PTPRJ: variants seen among roughly 807,000 people sequenced by gnomAD.
PTPRJ encodes the protein protein tyrosine phosphatase receptor type J, also known as receptor-type tyrosine-protein phosphatase eta.
Under a neutral mutation model 141.3 loss-of-function variants are expected in PTPRJ, and 129 were observed. The observed-to-expected ratio is 0.91, with a 90% CI of 0.79 to 1.06. The LOEUF is 1.06. Among genes scored for constraint, PTPRJ ranks in the 50% least tolerant of loss-of-function variants. PTPRJ has a pLI of 0.00. For missense variants in PTPRJ, 1,601 were observed against 1,679.7 expected (o/e 0.95, Z 0.82); for synonymous variants, 610 against 640.5 (o/e 0.95, Z 0.72).
chr11:48,148,097 A>T (rs146109915), intron 15 of PTPRJ, among the ~76,000 whole-genome samples: 45 of 152,282 alleles, frequency 3.0e-4, no homozygotes, highest in African/African-American at 1.0e-3. Context: ...TGCCCGCCTC[A>T]GCCTCCTGAA....
chr11:48,104,594 A>G lies in PTPRJ; in HGVS notation c.97-5464A>G, dbSNP rs1367072086. 3.3e-5 allele frequency among the ~76,000 whole-genome samples: 5 copies of G among 152,370 alleles called. No individual in the cohort carries two copies. In the East Asian group the frequency reaches 5.8e-4, roughly 18 times the overall value. ...ACCCATCCTTAAAAGCCCAACGTGGATAACAGAAAACCTGGAGAGCTTTGT... is the reference window on the plus strand; with the variant it reads ...ACCCATCCTTAAAAGCCCAACGTGGGTAACAGAAAACCTGGAGAGCTTTGT... On this transcript the variant is annotated intron_variant, in intron 1 of 24. Coordinates refer to ENST00000418331, the MANE Select transcript of PTPRJ (RefSeq NM_002843.4).
At chr11:48,100,888 GA>G (rs71457246) in intron 1 of PTPRJ, among the ~76,000 whole-genome samples, 9,227 of 90,296 alleles carry the variant, frequency 0.1, 346 homozygotes, top group African/African-American at 0.18. Flanking sequence ...GTCTCAAAAA[GA>G]AAAAAAAAAA....
intron 1 of PTPRJ, among the ~76,000 whole-genome samples, chr11:48,070,280 T>C (rs1337758711): frequency 6.6e-6 from 1 of 152,018 alleles, no homozygotes; most frequent in African/African-American, 2.4e-5. Context: ...GGTGGGTGGA[T>C]CACTTGAGGT....
chr11:48,049,448 C>T (rs890676278), intron 1 of PTPRJ, among the ~76,000 whole-genome samples: 8 of 151,882 alleles, frequency 5.3e-5, no homozygotes, highest in African/African-American at 9.7e-5. Flanking sequence ...GAGGCCAAGA[C>T]GGGCAGATCA....
chr11:48,041,651 G>A (rs1255949578), intron 1 of PTPRJ, among the ~76,000 whole-genome samples: 3 of 151,988 alleles, frequency 2.0e-5, no homozygotes, highest in Non-Finnish European at 4.4e-5. Flanking sequence ...TTGAGTCAGC[G>A]TCTTGCTTTG....
chr11:48,156,836 C>T lies in PTPRJ; in HGVS notation c.3438+717C>T, dbSNP rs1436139067. ...TCCTGACCTCAAGTGATCCTGCTTC[C>T]TTGGCCTCCCAAAGTGTTGGGATTT... On this transcript the variant is annotated intron_variant, in intron 21 of 24. Transcript: ENST00000418331. 4.6e-5 allele frequency among the ~76,000 whole-genome samples: 7 copies of T among 152,188 alleles called. No individual in the cohort carries two copies. The East Asian group carries it at 1.4e-3, about 29-fold the overall frequency.
chr11:48,120,890 A>G (rs909405601), intron 3 of PTPRJ, 113 bp from the exon 4 acceptor site: 3 of 995,656 alleles, frequency 3.0e-6, no homozygotes, highest in African/African-American at 3.3e-5. Context: ...GCAAAGAGAG[A>G]TAAAACTCTG....
chr11:48,059,906 G>A (rs532700709), intron 1 of PTPRJ, among the ~76,000 whole-genome samples: 1 of 152,272 alleles, frequency 6.6e-6, no homozygotes, highest in South Asian at 2.1e-4. Context: ...TGCTGCTGCC[G>A]GATTCAAACC....
In PTPRJ at chr11:48,167,278, C is replaced by T. The variant is rs761531674; in HGVS notation, c.3930C>T (p.Ile1310=). 1 of 1,613,220 alleles carries T rather than the reference C, an allele frequency of 6.2e-7. No homozygotes were observed. Among genetic ancestry groups the T allele is most frequent in the Non-Finnish European group, 8.5e-7 (1 of 1,179,184 alleles). The change falls in exon 25 of 25, where the codon ATC becomes ATT. Residue 1310 remains isoleucine, a synonymous_variant. Transcript: ENST00000418331. ...RSQKDSKVDL[I]YQNTTAMTIY... The stretch of plus-strand genomic sequence containing the variant: ...AGAAAGACTCAAAAGTAGATCTTAT[C>T]TACCAGAACACAACTGCAATGACAA...
intron 1 of PTPRJ, among the ~76,000 whole-genome samples, chr11:48,047,402 G>A (rs553721048): frequency 6.6e-6 from 1 of 152,276 alleles, no homozygotes; most frequent in East Asian, 1.9e-4. Context: ...CAGAGTGAGG[G>A]TCTCTGCCTG....
intron 18 of PTPRJ, among the ~76,000 whole-genome samples, chr11:48,152,870 A>G (rs1857516762): frequency 6.6e-6 from 1 of 152,146 alleles, no homozygotes; most frequent in Non-Finnish European, 1.5e-5. Flanking sequence ...TGATGCTTCC[A>G]GCTTTGTTCT....
intron 1 of PTPRJ, among the ~76,000 whole-genome samples, chr11:48,102,769 A>C (rs1372426780): frequency 6.6e-6 from 1 of 152,144 alleles, no homozygotes; most frequent in African/African-American, 2.4e-5. Flanking sequence ...TCACAGGTCA[A>C]GCAATGCATG....
chr11:48,114,343 C>T (rs1017404422), intron 3 of PTPRJ, among the ~76,000 whole-genome samples: 1 of 132,268 alleles, frequency 7.6e-6, no homozygotes, highest in Non-Finnish European at 1.5e-5. Flanking sequence ...GAGGCTGAGG[C>T]AGGAGAATTG....
At chr11:48,148,603 A>AT (rs1471496431) in intron 15 of PTPRJ, among the ~76,000 whole-genome samples, 9 of 151,314 alleles carry the variant, frequency 5.9e-5, no homozygotes, top group Admixed American at 1.3e-4. Context: ...ATGCCTGGCT[A>AT]TTTTTTTTGT....
chr11:48,135,170 C>CTTTTTT (rs36040052), intron 8 of PTPRJ, among the ~76,000 whole-genome samples: 2 of 86,802 alleles, frequency 2.3e-5, no homozygotes, highest in African/African-American at 4.1e-5. Flanking sequence ...CCTTGAAGGG[C>CTTTTTT]TTTTTTTTTT....
intron 1 of PTPRJ, among the ~76,000 whole-genome samples, chr11:48,022,185 C>T (rs926131825): frequency 1.4e-5 from 2 of 142,224 alleles, no homozygotes; most frequent in Admixed American, 1.3e-4. Context: ...TGATGAAGTC[C>T]GGGCGCGGTG....
At chr11:48,089,766 A>C (rs1440248294) in intron 1 of PTPRJ, among the ~76,000 whole-genome samples, 1 of 152,220 alleles carries the variant, frequency 6.6e-6, no homozygotes, top group Non-Finnish European at 1.5e-5. Flanking sequence ...AGCTGTTCAC[A>C]GTAAATGGAA....
rs1326361112 is a variant in PTPRJ, at chr11:48,153,824, C to T, written c.3167C>T (p.Pro1056Leu). 1.9e-6 allele frequency: 3 copies of T among 1,613,604 alleles called. No homozygotes were observed. Among genetic ancestry groups the T allele is most frequent in the East Asian group, 2.2e-5 (1 of 44,852 alleles). The change falls in exon 19 of 25, where the codon CCT (proline) becomes CTT (leucine). Residue 1056 changes from proline to leucine, a missense_variant. By Grantham distance (98) the Pro-to-Leu change is moderately conservative (BLOSUM62 -3). Transcript: ENST00000418331. The part of the protein sequence containing the change: ...EDLKLVGISQ[P>L]KYAAELAENR... ...CTGAAGCTTGTTGGAATTAGTCAAC[C>T]TAAATATGCAGCAGAACTGGCTGAG...
chr11:48,147,088 G>T, intron 15 of PTPRJ, 125 bp downstream of exon 15: 1 of 848,416 alleles, frequency 1.2e-6, no homozygotes, highest in Non-Finnish European at 2.0e-6. Context: ...TTCACCCATA[G>T]TGTTCTGCAT....
Sources: gnomAD v4.1 joint callset for allele counts (sites outside exome capture counted in the v4.1 genomes callset) on GRCh38, gnomAD v4.1.1 for gene constraint, MANE v1.5 for transcripts, NCBI Gene and HGNC (gene_info 2026-07-23, HGNC 2026-07-21) for gene names.